The following BPTF variants were observed in gnomAD, a reference collection of about 807,000 sequenced individuals.
BPTF encodes the protein nucleosome-remodeling factor subunit BPTF.
Under a neutral mutation model 292.5 loss-of-function variants are expected in BPTF, and 18 were observed. The observed-to-expected ratio is 0.06, with a 90% CI of 0.04 to 0.09. The LOEUF is 0.09. BPTF is among the 10% of genes least tolerant of loss of function. BPTF has a pLI of 1.00. For missense variants in BPTF, 2,726 were observed against 3,498.7 expected (o/e 0.78, Z 5.57); for synonymous variants, 1,225 against 1,251.9 (o/e 0.98, Z 0.45).
chr17:67,978,471 G>A (rs1555695188), intron 27 of BPTF, among the ~76,000 whole-genome samples: 1 of 151,464 alleles, frequency 6.6e-6, no homozygotes, highest in African/African-American at 2.4e-5. Flanking sequence ...GCTGATTTTT[G>A]TATTTTTAGT....
chr17:67,912,458 G>A lies in BPTF; in HGVS notation c.4574G>A (p.Ser1525Asn). The change falls in exon 11 of 28, where the codon AGC becomes AAC. Residue 1525 changes from serine to asparagine, a missense_variant. Ser to Asn is a conservative substitution (Grantham distance 46). Around this residue, in one of 22 missense-constraint regions of BPTF, gnomAD observed 713 missense variants for 714.9 expected, o/e 1.00. Coordinates refer to ENST00000306378, the MANE Select transcript of BPTF (RefSeq NM_182641.4). ...TTTPSASCPE[S>N]NSVNQVEDME... The stretch of plus-strand genomic sequence containing the variant: ...ACACCCTCAGCATCTTGTCCAGAAA[G>A]CAATTCAGTTAATCAGGTAGAAGAT... 1 of 1,613,712 alleles carries A rather than the reference G, an allele frequency of 6.2e-7. No homozygotes were observed. The highest frequency in any genetic ancestry group is 8.5e-7 in the Non-Finnish European group (1 of 1,179,936).
Position 67,919,980 on chromosome 17 carries a change from T to C in BPTF, c.5429-35T>C, listed in dbSNP as rs1337766750. 5 of 1,574,878 alleles carry C rather than the reference T, an allele frequency of 3.2e-6. No individual in the cohort carries two copies. The South Asian group carries it at 4.6e-5, about 14-fold the overall frequency. On this transcript the variant is annotated intron_variant, in intron 12 of 27. Coordinates refer to ENST00000306378, the MANE Select transcript of BPTF (RefSeq NM_182641.4). ...CCTTTTTAGTCTCTGAGTATTTCAG[T>C]TGGTTATTAATACTATTGAATTAAA...
intron 4 of BPTF, among the ~76,000 whole-genome samples, chr17:67,881,620 T>G (rs1371965835): frequency 6.8e-6 from 1 of 147,524 alleles, no homozygotes; most frequent in African/African-American, 2.5e-5. Flanking sequence ...TCTCCTGCCT[T>G]AGCCTCCCGA....
chr17:67,838,659 T>A (rs1004984533), intron 1 of BPTF, among the ~76,000 whole-genome samples: 7 of 152,158 alleles, frequency 4.6e-5, no homozygotes, highest in African/African-American at 1.7e-4. Context: ...TATATTTTTT[T>A]AGTAGAGACG....
chr17:67,982,575 GAA>G lies in BPTF; in HGVS notation c.*293_*294del. The G allele has an allele frequency of 3.3e-6, 1 of 298,800 alleles. No individual in the cohort carries two copies. Among genetic ancestry groups the G allele is most frequent in the Non-Finnish European group, 6.2e-6 (1 of 161,958 alleles). 18.5% of individuals were successfully genotyped at this position (298,800 alleles called of 1,614,324 possible). A position where few individuals can be genotyped will look rare whatever the true frequency, so the allele number is the denominator to read the frequency against. On this transcript the variant is annotated 3_prime_UTR_variant, in exon 28 of 28. Coordinates refer to ENST00000306378, the MANE Select transcript of BPTF (RefSeq NM_182641.4). ...TGAAAAAAAAAGAAAAAGAAAGCAAGAAAAAAAGATACTATGGGGTCAAGTGT... is the reference window on the plus strand; with the variant it reads ...TGAAAAAAAAAGAAAAAGAAAGCAAGAAAAAGATACTATGGGGTCAAGTGT...
At chr17:67,941,533 A>G (rs1479745199) in intron 19 of BPTF, among the ~76,000 whole-genome samples, 1 of 152,242 alleles carries the variant, frequency 6.6e-6, no homozygotes, top group African/African-American at 2.4e-5. Context: ...CAGATAGACC[A>G]ACAGAACAGT....
chr17:67,914,504 C>G (rs1338608481), intron 11 of BPTF, among the ~76,000 whole-genome samples: 1 of 152,222 alleles, frequency 6.6e-6, no homozygotes, highest in Non-Finnish European at 1.5e-5. Context: ...TAGGATTACT[C>G]TGCACTTTTC....
chr17:67,938,614 T>C (rs986164179), intron 18 of BPTF, among the ~76,000 whole-genome samples: 1 of 152,206 alleles, frequency 6.6e-6, no homozygotes, highest in African/African-American at 2.4e-5. Flanking sequence ...AATAATTGGC[T>C]TATAGTTTGG....
At chr17:67,883,686 G>A (rs922896944) in intron 4 of BPTF, among the ~76,000 whole-genome samples, 2 of 151,928 alleles carry the variant, frequency 1.3e-5, no homozygotes, top group African/African-American at 2.4e-5. Context: ...AGCAACCTCC[G>A]CCCCCCTGGG....
chr17:67,878,491 G>A (rs983582722), intron 4 of BPTF, among the ~76,000 whole-genome samples: 12 of 152,188 alleles, frequency 7.9e-5, no homozygotes, highest in African/African-American at 2.9e-4. Context: ...GGTTGTAGAA[G>A]TATTCAGTTC....
At position 67,927,889 on chromosome 17, in the gene BPTF, A is replaced by AT. The variant is rs930006339; in HGVS notation, c.5752-453dup. On this transcript the variant is annotated intron_variant, in intron 15 of 27. Transcript: ENST00000306378. ...TTCATCAAGAAATTAAATTCAGGTA[A>AT]TTTTTTTTTTTTTAGAGATGGAGTC... is the stretch of plus-strand genomic sequence containing the variant. 1.4e-3 allele frequency among the ~76,000 whole-genome samples: 200 copies of AT among 145,998 alleles called. 1 individual carries two copies. The East Asian group carries it at 0.015, about 11-fold the overall frequency.
intron 23 of BPTF, chr17:67,956,041 A>G (rs12325985): frequency 0.93 from 141,653 of 151,874 alleles, 66,847 homozygotes; most frequent in East Asian, 1. Flanking sequence ...GTCTCGGGCC[A>G]GGCGCAGTGG....
At chr17:67,852,917 C>T (rs1598253925) in intron 1 of BPTF, among the ~76,000 whole-genome samples, 1 of 152,194 alleles carries the variant, frequency 6.6e-6, no homozygotes, top group East Asian at 1.9e-4. Context: ...GGGTGGACCA[C>T]CTGAGGTCAG....
At chr17:67,828,387 G>T (rs1245244946) in intron 1 of BPTF, among the ~76,000 whole-genome samples, 1 of 152,182 alleles carries the variant, frequency 6.6e-6, no homozygotes, top group Non-Finnish European at 1.5e-5. Context: ...TGGCAGGACA[G>T]TTCAGCTAAC....
intron 14 of BPTF, among the ~76,000 whole-genome samples, chr17:67,923,634 C>T (rs1204469330): frequency 1.3e-5 from 2 of 151,274 alleles, no homozygotes; most frequent in Non-Finnish European, 2.9e-5. Flanking sequence ...GGTGTGCCAC[C>T]ATGCCCGGCT....
intron 15 of BPTF, among the ~76,000 whole-genome samples, chr17:67,928,000 C>T (rs1341207315): frequency 6.6e-6 from 1 of 152,076 alleles, no homozygotes; most frequent in Non-Finnish European, 1.5e-5. Flanking sequence ...TCTTCTGCCT[C>T]AGCCTCCCGA....
chr17:67,913,298 A>G (rs1166245566), intron 11 of BPTF, 111 bp downstream of exon 11: 1 of 1,429,516 alleles, frequency 7.0e-7, no homozygotes, highest in Admixed American at 2.5e-5. Flanking sequence ...CAGGAAACAT[A>G]TTAATGGCCA....
At chr17:67,830,620 T>TGAGG (rs1445986253) in intron 1 of BPTF, among the ~76,000 whole-genome samples, 12 of 142,772 alleles carry the variant, frequency 8.4e-5, no homozygotes, top group Admixed American at 2.8e-4. Context: ...AAAGGCAGAT[T>TGAGG]GAGGGAGGGA....
chr17:67,858,790 C>T (rs1241746388), intron 2 of BPTF, among the ~76,000 whole-genome samples: 3 of 152,168 alleles, frequency 2.0e-5, no homozygotes, highest in Admixed American at 6.6e-5. Context: ...TTCTCCCATT[C>T]CTGTGCCTTC....
Sources: gnomAD v4.1 joint callset for allele counts (sites outside exome capture counted in the v4.1 genomes callset) on GRCh38, gnomAD v4.1.1 for gene constraint, gnomAD v4.1.1 regional missense constraint, MANE v1.5 for transcripts, NCBI Gene and HGNC (gene_info 2026-07-23, HGNC 2026-07-21) for gene names.